The following CARD14 variants were observed in gnomAD, a reference collection of about 807,000 sequenced individuals.
The protein encoded by CARD14 is caspase recruitment domain family member 14.
A neutral mutation model predicts 111.5 loss-of-function variants in CARD14; 107 were observed. That is an observed-to-expected ratio of 0.96 (90% CI 0.82 to 1.13). The LOEUF (loss-of-function observed/expected upper bound fraction) is 1.13, where lower values mean the gene tolerates loss of function less well. CARD14 is among the 50% of genes most tolerant of loss of function. CARD14 has a pLI of 0.00. For missense variants in CARD14, 1,322 were observed against 1,362.3 expected, an observed-to-expected ratio of 0.97 and a Z score of 0.47; for synonymous variants, 617 against 579.6, an observed-to-expected ratio of 1.06 and a Z score of -0.93.
chr17:80,184,435 A>G (rs1297680163), intron 7 of CARD14, among the ~76,000 whole-genome samples, 197 bp downstream of exon 7: 1 of 152,002 alleles, frequency 6.6e-6, no homozygotes, highest in Non-Finnish European at 1.5e-5. Flanking sequence ...CCCTCTGTGT[A>G]GCCTGCATGG....
chr17:80,203,824 C>A lies in CARD14; in HGVS notation c.2222C>A (p.Ala741Asp). The change falls in exon 19 of 24, where the codon GCT becomes GAT. Residue 741 changes from alanine (A) to aspartate (D), a missense_variant and splice_region_variant. Transcript: ENST00000648509. The surrounding 1 kb of genome is among the most constrained non-coding windows in gnomAD (Gnocchi z 4.6). ...AGGGCCTCTGCTGGTCTCTGCAGGG[C>A]TCAGCAGCAGCTCATAGCCCTCATC... is the stretch of plus-strand genomic sequence containing the variant. ...AHGTIPNYSR[A>D]QQQLIALIQD... The A allele has an allele frequency of 6.3e-7, 1 of 1,575,126 alleles. No homozygotes were observed. Among genetic ancestry groups the A allele is most frequent in the East Asian group, 2.3e-5 (1 of 43,556 alleles).
chr17:80,181,678 T>G, intron 5 of CARD14, 29 bp downstream of exon 5: 1 of 1,519,944 alleles, frequency 6.6e-7, no homozygotes, highest in Non-Finnish European at 8.8e-7. Flanking sequence ...TCCCCACCTC[T>G]TCCAGCTTCC....
intron 9 of CARD14, 113 bp from the exon 10 acceptor site, chr17:80,190,661 T>G: frequency 8.4e-7 from 1 of 1,188,966 alleles, no homozygotes; most frequent in Non-Finnish European, 1.2e-6. Context: ...ATTGACCTTA[T>G]TTCATCCCTA....
At chr17:80,207,194 G>T in intron 23 of CARD14, 109 bp downstream of exon 23, 1 of 688,182 alleles carries the variant, frequency 1.5e-6, no homozygotes, top group East Asian at 2.9e-5. Flanking sequence ...AGGAAGCTGA[G>T]GCGCTGACAG....
chr17:80,203,207 T>C lies in CARD14; in HGVS notation c.2220-615T>C, dbSNP rs2041082892. ...ATCACTTGAACCCCGGAGGCAGAGGTTGCAGTGAGCCGGGATTGAGCCATT... is the reference window on the plus strand; with the variant it reads ...ATCACTTGAACCCCGGAGGCAGAGGCTGCAGTGAGCCGGGATTGAGCCATT... On this transcript the variant is annotated intron_variant, in intron 18 of 23. Transcript: ENST00000648509. This position sits in a 1 kb window ranked among gnomAD's most constrained non-coding sequence, Gnocchi z 4.6. The C allele has an allele frequency of 1.3e-5, 2 of 151,070 alleles. No homozygotes were observed. Among genetic ancestry groups the C allele is most frequent in the African/African-American group, 2.4e-5 (1 of 41,004 alleles). 9.4% of individuals were successfully genotyped at this position (151,070 alleles called of 1,614,324 possible).
At position 80,204,316 on chromosome 17, in the gene CARD14, C is replaced by A; in HGVS notation, c.2373C>A (p.Gly791=). The change falls in exon 20 of 24, where the codon GGC becomes GGA. Residue 791 remains glycine (G), a synonymous_variant. Transcript: ENST00000648509. ...CTCTGCGTTTGTCCTTTGACAGGGG[C>A]CAGTTGGACCCCAGCAGGATGGAGG... ...ASPLRLSFDR[G]QLDPSRMEGS... 6.3e-7 allele frequency: 1 copy of A among 1,587,240 alleles called. No homozygotes were observed. The highest frequency in any genetic ancestry group is 1.7e-5 in the Admixed American group (1 of 58,248).
At position 80,191,295 on chromosome 17, in the gene CARD14, G is replaced by A. The variant is rs368517365; in HGVS notation, c.1090-28G>A. On this transcript the variant is annotated intron_variant, in intron 10 of 23. Coordinates refer to ENST00000648509, the MANE Select transcript of CARD14 (RefSeq NM_001366385.1). ...GAGGCTCCCCGGTGGTGATGGCGCG[G>A]CCTCCTTACTCCCGTCGTGGCCCAC... 1.5e-5 allele frequency: 24 copies of A among 1,597,420 alleles called. No individual in the cohort carries two copies. In the African/African-American group the frequency reaches 2.8e-4, roughly 19 times the overall value.
intron 2 of CARD14, among the ~76,000 whole-genome samples, chr17:80,174,804 G>A (rs934110954): frequency 1.2e-4 from 19 of 152,058 alleles, no homozygotes; most frequent in African/African-American, 2.7e-4. Flanking sequence ...GCTCTGGGGC[G>A]TTTTCTCTGA....
rs150718705 is a variant in CARD14 at position 80,186,641 on chromosome 17, C to T, written c.676-1736C>T. 8.9e-3 allele frequency among the ~76,000 whole-genome samples: 1,350 copies of T among 152,272 alleles called. 18 individuals are homozygous for T. The highest frequency in any genetic ancestry group is 0.031 in the African/African-American group (1,290 of 41,560). ...TCAGCCCACTGCAATCTCCATCTCC[C>T]GGGTTCAAGCAATTCTCCTGCCTCA... On this transcript the variant is annotated intron_variant, in intron 7 of 23. Coordinates refer to ENST00000648509, the MANE Select transcript of CARD14 (RefSeq NM_001366385.1).
At chr17:80,204,198 T>C in intron 19 of CARD14, 29 bp from the exon 20 acceptor site, 1 of 1,561,966 alleles carries the variant, frequency 6.4e-7, no homozygotes, top group Non-Finnish European at 8.7e-7. Flanking sequence ...CAACAGCTCC[T>C]CCTCATCCTT....
In CARD14 at chr17:80,202,211, C is replaced by G. The variant is rs757892324; in HGVS notation, c.2010C>G (p.Ala670=). Residue 670 remains alanine (A), a synonymous_variant, in exon 18 of 24, where the codon GCC becomes GCG. Transcript: ENST00000648509. ...GYKRLLQDLE[A]KVATSGDSFY... is the part of the protein sequence containing the mutation. ...AGAGGCTACTCCAGGACCTGGAGGC[C>G]AAAGTGGCGACCTCGGGGGACTCAT... 21 of 1,613,950 alleles carry G rather than the reference C, an allele frequency of 1.3e-5. No homozygotes were observed. The South Asian group carries it at 2.3e-4, about 18-fold the overall frequency.
intron 22 of CARD14, among the ~76,000 whole-genome samples, chr17:80,206,359 A>T (rs553759182): frequency 1.7e-4 from 26 of 152,340 alleles, no homozygotes; most frequent in African/African-American, 6.3e-4. Flanking sequence ...CGCGCCTGTA[A>T]TCCCCACACT....
chr17:80,187,611 G>A (rs570751142), intron 7 of CARD14, among the ~76,000 whole-genome samples: 10 of 152,332 alleles, frequency 6.6e-5, no homozygotes, highest in Middle Eastern at 3.4e-3. Context: ...ACCGGGTGTC[G>A]GGAGGGGAGA....
At position 80,183,261 on chromosome 17, in the gene CARD14, T is replaced by C. The variant is rs142078801; in HGVS notation, c.349+471T>C. Among the ~76,000 whole-genome samples the C allele has an allele frequency of 5.9e-3, 895 of 152,118 alleles. 4 individuals are homozygous for C. Among genetic ancestry groups the C allele is most frequent in the Middle Eastern group, 0.014 (4 of 294 alleles). Reference sequence around the variant, plus strand: ...CTGCTCACCATTTTCCTTCAGGGAGTAATTCTAGGCTTCCCTGGAGGAGCT... The same window carrying C: ...CTGCTCACCATTTTCCTTCAGGGAGCAATTCTAGGCTTCCCTGGAGGAGCT... On this transcript the variant is annotated intron_variant, in intron 6 of 23. Transcript: ENST00000648509.
rs181596183 is a variant in CARD14, at chr17:80,202,083, G to A, written c.1979-97G>A. The A allele has an allele frequency of 5.3e-4, 672 of 1,279,508 alleles. 5 individuals carry two copies. In the East Asian group the frequency reaches 0.015, roughly 28 times the overall value. The allele number at this position is 1,279,508 out of a possible 1,614,324, so 79.3% of individuals were successfully genotyped here. ...GTGCCAGAGCAGCTTCTGAGACTGG[G>A]AGGGTCCTTCCTTCTCTCCTACTTT... is the stretch of plus-strand genomic sequence containing the variant. On this transcript the variant is annotated intron_variant, in intron 17 of 23. Transcript: ENST00000648509.
At position 80,198,616 on chromosome 17, in the gene CARD14, TC is replaced by T; in HGVS notation, c.1851+30del. The T allele has an allele frequency of 6.2e-7, 1 of 1,610,224 alleles. No homozygotes were observed. Reference sequence around the variant, plus strand: ...GGTGAGCCGTGCGAGGCCCCTCCTGTCCCCCGGGCTCCTCATGGGGACAGTG... The same window carrying T: ...GGTGAGCCGTGCGAGGCCCCTCCTGTCCCCGGGCTCCTCATGGGGACAGTG... On this transcript the variant is annotated intron_variant, in intron 16 of 23. Transcript: ENST00000648509. This position sits in a 1 kb window ranked among gnomAD's most constrained non-coding sequence, Gnocchi z 7.5.
chr17:80,197,868 T>C (rs1014815521), intron 14 of CARD14, among the ~76,000 whole-genome samples: 2 of 152,108 alleles, frequency 1.3e-5, no homozygotes, highest in Non-Finnish European at 2.9e-5. Flanking sequence ...GTCCCAAGCA[T>C]TGAGGAAGGG....
chr17:80,178,387 G>C (rs1235043450), intron 2 of CARD14, 121 bp from the exon 3 acceptor site: 1 of 152,200 alleles, frequency 6.6e-6, no homozygotes, highest in African/African-American at 2.4e-5. Context: ...TTATTTCCCG[G>C]ATCCGAGTCT....
rs2040673383 is a variant in CARD14, at chr17:80,195,353, C to T, written c.1499+20C>T. The T allele has an allele frequency of 6.3e-7, 1 of 1,598,478 alleles. No individual in the cohort carries two copies. The highest frequency in any genetic ancestry group is 8.6e-7 in the Non-Finnish European group (1 of 1,169,148). On this transcript the variant is annotated intron_variant, in intron 13 of 23. Coordinates refer to ENST00000648509, the MANE Select transcript of CARD14 (RefSeq NM_001366385.1). This position sits in a 1 kb window ranked among gnomAD's most constrained non-coding sequence, Gnocchi z 4.7. ...TTTCAGGTAGAGCACTGGGGTCCTT[C>T]CTGGCACTGGGGTGGCACTGGGGTC... is the stretch of plus-strand genomic sequence containing the variant.
Sources: allele counts gnomAD v4.1 joint callset (sites outside exome capture counted in the v4.1 genomes callset), GRCh38; gene constraint gnomAD v4.1.1; non-coding constraint Gnocchi (gnomAD v3.1); transcripts MANE v1.5; gene names NCBI Gene and HGNC (gene_info 2026-07-23, HGNC 2026-07-21).